Variants in NSD2 observed in about 807,000 individuals in gnomAD.
NSD2 encodes the protein nuclear receptor binding SET domain protein 2.
A neutral mutation model predicts 139.0 loss-of-function variants in NSD2; 12 were observed. That is an observed-to-expected ratio of 0.09 (90% CI 0.06 to 0.14). NSD2 has a LOEUF of 0.14. Among genes scored for constraint, NSD2 ranks in the 10% least tolerant of loss-of-function variants. The pLI is 1.00. For synonymous variants in NSD2, 669 were observed against 648.7 expected, an observed-to-expected ratio of 1.03 and a Z score of -0.48; for missense variants, 1,155 against 1,745.0, an observed-to-expected ratio of 0.66 and a Z score of 6.02.
At chr4:1,949,507 A>G (rs1723988424) in intron 9 of NSD2, among the ~76,000 whole-genome samples, 1 of 152,156 alleles carries the variant, frequency 6.6e-6, no homozygotes, top group Non-Finnish European at 1.5e-5. Context: ...TCATGCCTGT[A>G]ATCCCAGCAC....
At chr4:1,939,336 CT>C in intron 8 of NSD2, 1 of 334,600 alleles carries the variant, frequency 3.0e-6, no homozygotes, top group Non-Finnish European at 5.6e-6. Flanking sequence ...TGCTAAACTT[CT>C]TATGGATGAA....
chr4:1,978,343 C>T lies in NSD2; in HGVS notation c.3827-295C>T, dbSNP rs573591581. On this transcript the variant is annotated intron_variant, in intron 21 of 21. Transcript: ENST00000508803. ...AATCAGCACAGCAGCCCCTGCCTGT[C>T]CACGCCGCGCTGGGGGACACTCCTG... Among the ~76,000 whole-genome samples the T allele has an allele frequency of 7.2e-5, 11 of 152,242 alleles. No individual in the cohort carries two copies. In the East Asian group the frequency reaches 2.1e-3, roughly 29 times the overall value.
rs71167763 is a variant in NSD2 at position 1,951,443 on chromosome 4, TACACACAC to T, written c.2013+314_2013+321del. ...TGAGATTTGTATACACATCATGTAATACACACACACACACACACACACACACACACACA... is the reference window on the plus strand; with the variant it reads ...TGAGATTTGTATACACATCATGTAATACACACACACACACACACACACACA... On this transcript the variant is annotated intron_variant, in intron 10 of 21. Transcript: ENST00000508803. Among the ~76,000 whole-genome samples the T allele has an allele frequency of 1.8e-3, 183 of 100,906 alleles. 2 individuals are homozygous for T. The highest frequency in any genetic ancestry group is 5.0e-3 in the African/African-American group (126 of 25,100). The allele number at this position is 100,906 out of a possible 152,430, so 66.2% of individuals were successfully genotyped here.
intron 1 of NSD2, among the ~76,000 whole-genome samples, chr4:1,879,823 C>T (rs952535221): frequency 7.1e-6 from 1 of 140,242 alleles, no homozygotes; most frequent in African/African-American, 3.0e-5. Flanking sequence ...GCCCATGGCA[C>T]TTGTGTGTGT....
chr4:1,889,604 C>T (rs947133190), intron 1 of NSD2, among the ~76,000 whole-genome samples: 1 of 151,794 alleles, frequency 6.6e-6, no homozygotes, highest in South Asian at 2.1e-4. Flanking sequence ...TGAGTTCAAG[C>T]GATTCTCCTT....
Position 1,939,714 on chromosome 4 carries a change from C to T in NSD2, c.1817C>T (p.Ala606Val), listed in dbSNP as rs1030558419. ...PLKKRNRAST[A>V]ASSALGFSKS... is the part of the protein sequence containing the mutation. ...AAGAAGCGAAATCGGGCTTCCACGG[C>T]AGCATCTTCAGCTCTTGGGTTTAGC... The change falls in exon 9 of 22, where the codon GCA (alanine) becomes GTA (valine). Residue 606 changes from alanine (A) to valine (V), a missense_variant. This residue lies in a region of NSD2 where 420 missense variants were observed against 469.0 expected (regional missense o/e 0.90). Transcript: ENST00000508803. 4 of 1,614,128 alleles carry T rather than the reference C, an allele frequency of 2.5e-6. No homozygotes were observed. The Admixed American group carries it at 6.7e-5, about 27-fold the overall frequency.
intron 18 of NSD2, among the ~76,000 whole-genome samples, chr4:1,971,812 A>G (rs1726512853): frequency 6.6e-6 from 1 of 152,262 alleles, no homozygotes; most frequent in Non-Finnish European, 1.5e-5. Flanking sequence ...AAACAAATCC[A>G]GAGTCATTTT....
In NSD2 at chr4:1,982,077, A is replaced by G; in HGVS notation, c.*3168A>G. On this transcript the variant is annotated 3_prime_UTR_variant, in exon 22 of 22. Transcript: ENST00000508803. ...TGAAATTCACTTTTTGGGGGGAGGG[A>G]TATACTGAAATAGAGAGTTGAGACT... 2.5e-6 allele frequency: 1 copy of G among 397,280 alleles called. No homozygotes were observed. The highest frequency in any genetic ancestry group is 2.1e-5 in the African/African-American group (1 of 48,714). 24.6% of individuals were successfully genotyped at this position (397,280 alleles called of 1,614,324 possible).
At position 1,904,425 on chromosome 4, in the gene NSD2, A is replaced by T. The variant is rs73796608; in HGVS notation, c.760+47A>T. On this transcript the variant is annotated intron_variant, in intron 3 of 21. Transcript: ENST00000508803. ...TTTTCCAACTTTCTCTTCTGCACTT[A>T]ATCTTTCTCATCTCCAGGCTTCTTT... 4.7e-3 allele frequency: 7,323 copies of T among 1,551,710 alleles called. 298 individuals carry two copies. The African/African-American group carries it at 0.089, about 19-fold the overall frequency.
Position 1,958,872 on chromosome 4 carries a change from C to T in NSD2, c.2986-599C>T, listed in dbSNP as rs111814249. On this transcript the variant is annotated intron_variant, in intron 16 of 21. Transcript: ENST00000508803. The surrounding 1 kb of genome is among the most constrained non-coding windows in gnomAD (Gnocchi z 4.6). ...ACAGCAGTGAAAAGAGTGTCTTTCG[C>T]CACCTCTTCCCTAAGATTATGCATT... Among the ~76,000 whole-genome samples, 572 of 152,316 alleles carry T rather than the reference C, an allele frequency of 3.8e-3. No homozygotes were observed. The highest frequency in any genetic ancestry group is 0.013 in the African/African-American group (544 of 41,562).
rs748747132 is a variant in NSD2, at chr4:1,955,649, A to G, written c.2519-44A>G. On this transcript the variant is annotated intron_variant, in intron 13 of 21. Transcript: ENST00000508803. The surrounding 1 kb of genome is among the most constrained non-coding windows in gnomAD (Gnocchi z 4.7). Reference sequence around the variant, plus strand: ...TGAAGCACTGAATCTGGGCTGAGCCATAGCAGACAGGCTAAGCCTGGCCGC... The same window carrying G: ...TGAAGCACTGAATCTGGGCTGAGCCGTAGCAGACAGGCTAAGCCTGGCCGC... The G allele has an allele frequency of 5.1e-6, 8 of 1,575,842 alleles. No individual in the cohort carries two copies. The highest frequency in any genetic ancestry group is 3.5e-5 in the South Asian group (3 of 86,494).
chr4:1,903,388 G>C (rs891984975), intron 2 of NSD2, among the ~76,000 whole-genome samples: 2 of 152,162 alleles, frequency 1.3e-5, no homozygotes, highest in African/African-American at 4.8e-5. Flanking sequence ...TAGAGATGGA[G>C]AAATTGAGGC....
chr4:1,971,129 CG>C (rs1374893366), intron 18 of NSD2, among the ~76,000 whole-genome samples: 3 of 152,062 alleles, frequency 2.0e-5, no homozygotes, highest in African/African-American at 7.2e-5. Flanking sequence ...GAGGCTGAGG[CG>C]GGTGGATTGC....
chr4:1,948,513 C>A lies in NSD2; in HGVS notation c.1882-2559C>A. On this transcript the variant is annotated intron_variant, in intron 9 of 21. Coordinates refer to ENST00000508803, the MANE Select transcript of NSD2 (RefSeq NM_001042424.3). This position sits in a 1 kb window ranked among gnomAD's most constrained non-coding sequence, Gnocchi z 4.5. ...GTTGCCGAGCCGAGAGCATTGGATC[C>A]TCCCCGACTGTGGCTAGTTGTCTGT... 1 of 1,064,328 alleles carries A rather than the reference C, an allele frequency of 9.4e-7. No individual in the cohort carries two copies. Among genetic ancestry groups the A allele is most frequent in the South Asian group, 4.6e-5 (1 of 21,954 alleles). The allele number at this position is 1,064,328 out of a possible 1,614,324, so 65.9% of individuals were successfully genotyped here.
At chr4:1,975,262 T>C (rs1241817384) in intron 19 of NSD2, 32 bp from the exon 20 acceptor site, 1 of 1,604,810 alleles carries the variant, frequency 6.2e-7, no homozygotes, top group Non-Finnish European at 8.5e-7. Context: ...GGCAGGTGTT[T>C]CCAATTTGGT....
At chr4:1,947,793 G>A in intron 9 of NSD2, 4 of 1,048,170 alleles carry the variant, frequency 3.8e-6, no homozygotes, top group Non-Finnish European at 4.6e-6. Context: ...TTCAAGGTCT[G>A]TAATTGTATT....
At chr4:1,914,059 G>A (rs1467630079) in intron 3 of NSD2, among the ~76,000 whole-genome samples, 2 of 152,136 alleles carry the variant, frequency 1.3e-5, no homozygotes, top group Non-Finnish European at 2.9e-5. Flanking sequence ...GTCTTGCTTT[G>A]TCGCCCAGGC....
In NSD2 at chr4:1,904,240, C is replaced by A. The variant is rs1430402689; in HGVS notation, c.622C>A (p.Pro208Thr). Residue 208 changes from proline to threonine, a missense_variant, in exon 3 of 22, where the codon CCA becomes ACA. Physicochemically the swap from Pro to Thr is conservative, Grantham distance 38. Transcript: ENST00000508803. ...KKIPAKKESC[P>T]NTGRDKDHLL... ...GATTCCAGCTAAGAAAGAGTCTTGTCCAAACACTGGAAGAGACAAAGACCA... is the reference window on the plus strand; with the variant it reads ...GATTCCAGCTAAGAAAGAGTCTTGTACAAACACTGGAAGAGACAAAGACCA... The A allele has an allele frequency of 1.2e-6, 2 of 1,613,694 alleles. No homozygotes were observed. The highest frequency in any genetic ancestry group is 1.7e-6 in the Non-Finnish European group (2 of 1,179,822).
At chr4:1,959,347 C>T in intron 16 of NSD2, 124 bp from the exon 17 acceptor site, 1 of 1,113,734 alleles carries the variant, frequency 9.0e-7, no homozygotes, top group South Asian at 1.5e-5. Flanking sequence ...TGTGTCCTAG[C>T]CAGGACTCTG....
Sources: gnomAD v4.1 joint callset for allele counts (sites outside exome capture counted in the v4.1 genomes callset) on GRCh38, gnomAD v4.1.1 for gene constraint, gnomAD v4.1.1 regional missense constraint, Gnocchi (gnomAD v3.1) non-coding constraint, MANE v1.5 for transcripts, NCBI Gene and HGNC (gene_info 2026-07-23, HGNC 2026-07-21) for gene names.